The following PICALM variants were observed in gnomAD, a reference collection of about 807,000 sequenced individuals.
The protein encoded by PICALM is phosphatidylinositol-binding clathrin assembly protein.
A neutral mutation model predicts 80.5 loss-of-function variants in PICALM; 40 were observed. That is an observed-to-expected ratio of 0.50 (90% CI 0.39 to 0.65). The LOEUF is 0.65. Ranked by LOEUF, PICALM falls within the 30% of genes least tolerant of loss-of-function variation. The pLI is 0.00. For missense variants in PICALM, 676 were observed against 778.9 expected, an observed-to-expected ratio of 0.87 and a Z score of 1.57; for synonymous variants, 288 against 260.3, an observed-to-expected ratio of 1.11 and a Z score of -1.02.
chr11:86,019,717 C>T (rs1295098009), intron 4 of PICALM, among the ~76,000 whole-genome samples: 3 of 152,178 alleles, frequency 2.0e-5, no homozygotes, highest in African/African-American at 7.2e-5. Context: ...AAAATAATCA[C>T]CTCCTGATGG....
chr11:86,047,879 C>T (rs552987834), intron 1 of PICALM, among the ~76,000 whole-genome samples: 13 of 152,216 alleles, frequency 8.5e-5, no homozygotes, highest in Admixed American at 8.5e-4. Flanking sequence ...GCGGGCAGAT[C>T]ACCTGAGGTC....
At chr11:85,987,376 A>G (rs899051155) in intron 13 of PICALM, among the ~76,000 whole-genome samples, 5 of 152,160 alleles carry the variant, frequency 3.3e-5, no homozygotes, top group African/African-American at 4.8e-5. Flanking sequence ...CAAGTATTTC[A>G]CCTTACATAA....
intron 9 of PICALM, among the ~76,000 whole-genome samples, chr11:86,001,571 A>T (rs2095146686): frequency 6.6e-6 from 1 of 152,216 alleles, no homozygotes; most frequent in African/African-American, 2.4e-5. Context: ...CGGCAGTGCC[A>T]CAGGAACACC....
chr11:86,026,188 A>G, intron 3 of PICALM, 104 bp downstream of exon 3: 1 of 645,978 alleles, frequency 1.5e-6, no homozygotes, highest in Non-Finnish European at 2.8e-6. Context: ...CTAAAATATA[A>G]GGTTTAAAGT....
At chr11:85,988,487 C>T (rs2094649291) in intron 13 of PICALM, among the ~76,000 whole-genome samples, 1 of 151,912 alleles carries the variant, frequency 6.6e-6, no homozygotes, top group African/African-American at 2.4e-5. Flanking sequence ...TCCAAATGAG[C>T]TGGCTACAGT....
chr11:85,985,539 A>G (rs1290780930), intron 13 of PICALM, among the ~76,000 whole-genome samples: 1 of 152,202 alleles, frequency 6.6e-6, no homozygotes, highest in African/African-American at 2.4e-5. Flanking sequence ...AATACGAAAT[A>G]ATTTAGTATA....
At chr11:85,974,841 C>T (rs759811097) in intron 18 of PICALM, 29 bp from the exon 19 acceptor site, 11 of 1,385,290 alleles carry the variant, frequency 7.9e-6, no homozygotes, top group Non-Finnish European at 1.1e-5. Context: ...TCAAAAGATA[C>T]TGACTCCTAT....
chr11:85,969,125 T>C (rs1213216859), intron 19 of PICALM, among the ~76,000 whole-genome samples: 1 of 152,176 alleles, frequency 6.6e-6, no homozygotes, highest in Admixed American at 6.5e-5. Context: ...CTGGAAGGTG[T>C]TAGCTGCTTC....
In PICALM at chr11:86,059,397, A is replaced by G. The variant is rs543246331; in HGVS notation, c.130+9254T>C. Among the ~76,000 whole-genome samples, 53 of 152,344 alleles carry G rather than the reference A, an allele frequency of 3.5e-4. 1 individual carries two copies. The South Asian group carries it at 9.9e-3, about 29-fold the overall frequency. On this transcript the variant is annotated intron_variant, in intron 1 of 19. Transcript: ENST00000393346. ...ACAGTTTAACAATATTTGAAACTCT[A>G]TAAATGGTGAGAATAATGCTGGACT... is the stretch of plus-strand genomic sequence containing the variant.
chr11:85,964,606 A>C (rs938560247), intron 19 of PICALM, among the ~76,000 whole-genome samples: 44 of 152,134 alleles, frequency 2.9e-4, no homozygotes, highest in African/African-American at 1.0e-3. Context: ...CTACCATCAA[A>C]TGTTCATCTA....
intron 1 of PICALM, among the ~76,000 whole-genome samples, chr11:86,057,695 G>A (rs2096290934): frequency 6.6e-6 from 1 of 152,028 alleles, no homozygotes; most frequent in African/African-American, 2.4e-5. Flanking sequence ...CATCTCTACT[G>A]AACATGCGCA....
intron 15 of PICALM, 45 bp from the exon 16 acceptor site, chr11:85,981,820 C>A: frequency 6.2e-7 from 1 of 1,610,946 alleles, no homozygotes. Context: ...ACACGAGACG[C>A]AGTTTAATAA....
intron 1 of PICALM, among the ~76,000 whole-genome samples, chr11:86,050,102 G>A (rs1188873494): frequency 6.6e-6 from 1 of 151,120 alleles, no homozygotes; most frequent in Non-Finnish European, 1.5e-5. Context: ...CTACTCAGGA[G>A]GCTAAGGCAG....
intron 19 of PICALM, among the ~76,000 whole-genome samples, chr11:85,974,123 A>G (rs637304): frequency 0.82 from 124,556 of 152,178 alleles, 51,184 homozygotes; most frequent in African/African-American, 0.89. Flanking sequence ...TTCAGGAACT[A>G]GGAGAGAAAA....
intron 19 of PICALM, among the ~76,000 whole-genome samples, chr11:85,959,497 G>T (rs2135236296): frequency 6.6e-6 from 1 of 152,014 alleles, no homozygotes; most frequent in Non-Finnish European, 1.5e-5. Context: ...GCCAGGCGTG[G>T]TGGCGGGCGC....
chr11:86,066,773 A>G (rs2096454316), intron 1 of PICALM, among the ~76,000 whole-genome samples: 1 of 152,116 alleles, frequency 6.6e-6, no homozygotes, highest in South Asian at 2.1e-4. Context: ...AAAAAACCAA[A>G]AGCAACTAAC....
At chr11:86,063,064 G>A (rs949234652) in intron 1 of PICALM, among the ~76,000 whole-genome samples, 3 of 152,050 alleles carry the variant, frequency 2.0e-5, no homozygotes, top group East Asian at 1.9e-4. Flanking sequence ...CAGAGCTGAA[G>A]AAAACAAAGG....
At chr11:86,002,814 A>G (rs1327107508) in intron 9 of PICALM, among the ~76,000 whole-genome samples, 1 of 152,140 alleles carries the variant, frequency 6.6e-6, no homozygotes, top group Non-Finnish European at 1.5e-5. Context: ...GGGGTTCGAG[A>G]CCAGCCTGCT....
intron 10 of PICALM, 50 bp from the exon 11 acceptor site, chr11:86,000,829 G>A: frequency 6.3e-7 from 1 of 1,579,390 alleles, no homozygotes; most frequent in Non-Finnish European, 8.6e-7. Flanking sequence ...AGATTTCTTT[G>A]TACAGCCTCT....
Sources: gnomAD v4.1 joint callset for allele counts (sites outside exome capture counted in the v4.1 genomes callset) on GRCh38, gnomAD v4.1.1 for gene constraint, MANE v1.5 for transcripts, NCBI Gene and HGNC (gene_info 2026-07-23, HGNC 2026-07-21) for gene names.